SCFD1: variants seen among roughly 807,000 people sequenced by gnomAD.
SCFD1 encodes sec1 family domain-containing protein 1.
In SCFD1, 37 loss-of-function variants were observed where a neutral mutation model predicts 103.2. The observed-to-expected ratio is 0.36, with a 90% CI of 0.28 to 0.47. The LOEUF is 0.47. Among genes scored for constraint, SCFD1 ranks in the 20% least tolerant of loss-of-function variants. The pLI is 1.00. For missense variants in SCFD1, 639 were observed against 761.2 expected (o/e 0.84, Z 1.89); for synonymous variants, 264 against 245.0 (o/e 1.08, Z -0.73).
At chr14:30,723,930 G>GGGT (rs1436473913) in intron 23 of SCFD1, among the ~76,000 whole-genome samples, 1 of 151,994 alleles carries the variant, frequency 6.6e-6, no homozygotes, top group East Asian at 1.9e-4. Flanking sequence ...TGGGATTGCA[G>GGGT]GGTTGAATGG....
intron 19 of SCFD1, among the ~76,000 whole-genome samples, chr14:30,710,343 A>AAG: frequency 6.6e-6 from 1 of 150,890 alleles, no homozygotes; most frequent in East Asian, 1.9e-4. Flanking sequence ...AAAAAAAAAA[A>AAG]AAAAAAAAAA....
intron 23 of SCFD1, among the ~76,000 whole-genome samples, chr14:30,730,068 C>G (rs1893339143): frequency 6.6e-6 from 1 of 152,116 alleles, no homozygotes; most frequent in Non-Finnish European, 1.5e-5. Context: ...TCCAAGTGTT[C>G]TCATTGTTCA....
intron 19 of SCFD1, among the ~76,000 whole-genome samples, chr14:30,714,360 CAAA>C (rs11362201): frequency 7.2e-5 from 7 of 96,956 alleles, no homozygotes; most frequent in Admixed American, 1.0e-4. Flanking sequence ...GACTCCGTCT[CAAA>C]AAAAAAAAAA....
At chr14:30,692,216 C>T (rs146865874) in intron 14 of SCFD1, among the ~76,000 whole-genome samples, 4 of 152,160 alleles carry the variant, frequency 2.6e-5, no homozygotes, top group Admixed American at 6.5e-5. Flanking sequence ...TTCTTAGTTT[C>T]GAAATTCAGC....
chr14:30,707,708 G>GA, intron 18 of SCFD1: 1 of 400,212 alleles, frequency 2.5e-6, no homozygotes, highest in Admixed American at 3.6e-5. Flanking sequence ...CTAAGACTAG[G>GA]AAATTAAGAT....
At chr14:30,713,743 A>G (rs1399118199) in intron 19 of SCFD1, among the ~76,000 whole-genome samples, 1 of 152,196 alleles carries the variant, frequency 6.6e-6, no homozygotes, top group East Asian at 1.9e-4. Flanking sequence ...AGGAAGATAA[A>G]CACAGAATTC....
At chr14:30,649,637 CCCACAAGTA>C (rs1886212840) in intron 8 of SCFD1, 54 bp downstream of exon 8, 1 of 1,333,948 alleles carries the variant, frequency 7.5e-7, no homozygotes, top group Admixed American at 2.3e-5. Flanking sequence ...GAATTGTTTT[CCCACAAGTA>C]ACGCAACTGT....
rs144060430 is a variant in SCFD1 at position 30,650,608 on chromosome 14, A to C, written c.713A>C (p.Asn238Thr). 83 of 1,610,866 alleles carry C rather than the reference A, an allele frequency of 5.2e-5. No individual in the cohort carries two copies. The highest frequency in any genetic ancestry group is 5.9e-5 in the Non-Finnish European group (70 of 1,177,582). The change falls in exon 9 of 25, where the codon AAC becomes ACC. Residue 238 changes from asparagine (N) to threonine (T), a missense_variant. By Grantham distance (65) the Asn-to-Thr change is moderately conservative. Transcript: ENST00000458591. ...KLRENLRDAR[N>T]SLFTGDTLGA... ...CGAGAAAATCTAAGAGATGCAAGAA[A>C]CAGTCTTTTTACAGGTGATACACTT...
intron 10 of SCFD1, among the ~76,000 whole-genome samples, chr14:30,663,389 T>G (rs1451703316): frequency 3.3e-5 from 5 of 152,254 alleles, no homozygotes; most frequent in Admixed American, 1.3e-4. Context: ...TCTTTCCAGA[T>G]GTAGCTGTTA....
chr14:30,713,378 G>A (rs1238296268), intron 19 of SCFD1, among the ~76,000 whole-genome samples: 1 of 138,444 alleles, frequency 7.2e-6, no homozygotes, highest in East Asian at 1.9e-4. Context: ...AAAAACATAC[G>A]AAAGAGTTGT....
chr14:30,623,571 G>C (rs2138959563), intron 1 of SCFD1, among the ~76,000 whole-genome samples: 1 of 152,282 alleles, frequency 6.6e-6, no homozygotes, highest in South Asian at 2.1e-4. Context: ...AGCTCCATTT[G>C]TTTTAATACT....
chr14:30,666,351 A>G (rs921307656), intron 10 of SCFD1, among the ~76,000 whole-genome samples: 3 of 152,226 alleles, frequency 2.0e-5, no homozygotes, highest in African/African-American at 4.8e-5. Flanking sequence ...TTTGAAACCA[A>G]TGAGAACAAA....
chr14:30,706,124 A>G (rs1891452972), intron 18 of SCFD1, among the ~76,000 whole-genome samples: 2 of 152,120 alleles, frequency 1.3e-5, no homozygotes, highest in South Asian at 4.1e-4. Context: ...ACCATGTGTA[A>G]TTATCCAATC....
chr14:30,709,555 T>C (rs1226663638), intron 19 of SCFD1, among the ~76,000 whole-genome samples: 12 of 152,296 alleles, frequency 7.9e-5, no homozygotes, highest in African/African-American at 2.6e-4. Flanking sequence ...TAGAAATTAT[T>C]GTCAATCTCT....
chr14:30,719,443 A>G, intron 21 of SCFD1, 66 bp downstream of exon 21: 1 of 1,131,932 alleles, frequency 8.8e-7, no homozygotes, highest in Non-Finnish European at 1.3e-6. Flanking sequence ...TAATTTTTTT[A>G]TTATATAGTA....
intron 20 of SCFD1, 134 bp from the exon 21 acceptor site, chr14:30,719,191 C>T (rs142525576): frequency 0.016 from 10,471 of 653,826 alleles, 127 homozygotes; most frequent in Non-Finnish European, 0.021. Flanking sequence ...ATAGTAAGTG[C>T]TCATTAAGTA....
At chr14:30,656,252 C>T (rs1257067073) in intron 10 of SCFD1, among the ~76,000 whole-genome samples, 1 of 152,146 alleles carries the variant, frequency 6.6e-6, no homozygotes, top group Non-Finnish European at 1.5e-5. Context: ...TGAGCCACTG[C>T]ACCCGGACAG....
intron 20 of SCFD1, among the ~76,000 whole-genome samples, chr14:30,716,655 C>G (rs1334530107): frequency 6.6e-6 from 1 of 152,188 alleles, no homozygotes; most frequent in East Asian, 1.9e-4. Flanking sequence ...ACATCAAAAC[C>G]CTGGTTTGAG....
chr14:30,653,608 A>T lies in SCFD1; in HGVS notation c.855+20A>T. 6.8e-7 allele frequency: 1 copy of T among 1,470,590 alleles called. No individual in the cohort carries two copies. The highest frequency in any genetic ancestry group is 1.4e-5 in the African/African-American group (1 of 71,726). 91.1% of individuals were successfully genotyped at this position (1,470,590 alleles called of 1,614,324 possible). ...GTACTGGTAAGAGACTAAATGCAGC[A>T]CTTATTACTGAAATATAGTAACATG... is the stretch of plus-strand genomic sequence containing the variant. On this transcript the variant is annotated intron_variant, in intron 10 of 24. Transcript: ENST00000458591.
Sources: allele counts gnomAD v4.1 joint callset (sites outside exome capture counted in the v4.1 genomes callset), GRCh38; gene constraint gnomAD v4.1.1; transcripts MANE v1.5; gene names NCBI Gene and HGNC (gene_info 2026-07-23, HGNC 2026-07-21).